The following BCAR3 variants were observed in gnomAD, a reference collection of about 807,000 sequenced individuals.
BCAR3 encodes the protein breast cancer anti-estrogen resistance protein 3.
BCAR3 carries 37 observed loss-of-function variants against 80.1 expected under a neutral mutation model. That is an observed-to-expected ratio of 0.46 (90% CI 0.36 to 0.61). BCAR3 has a LOEUF of 0.61. Ranked by LOEUF, BCAR3 falls within the 20% of genes least tolerant of loss-of-function variation. The probability of loss-of-function intolerance (pLI) is 0.00; values close to 1 mark genes in which losing one functional copy is unlikely to be tolerated. For missense variants in BCAR3, 978 were observed against 1,068.2 expected (o/e 0.92, Z 1.18); for synonymous variants, 389 against 418.9 (o/e 0.93, Z 0.87).
intron 2 of BCAR3, among the ~76,000 whole-genome samples, chr1:93,768,261 G>GTATGTGTT (rs769899329): frequency 3.5e-5 from 5 of 143,524 alleles, no homozygotes; most frequent in Non-Finnish European, 7.5e-5. Flanking sequence ...GAGTGAATGT[G>GTATGTGTT]TGTGTGTTTG....
intron 1 of BCAR3, among the ~76,000 whole-genome samples, chr1:93,675,514 G>T (rs1014937743): frequency 7.2e-5 from 11 of 152,176 alleles, no homozygotes; most frequent in Admixed American, 2.0e-4. Context: ...GGGTCAGGAG[G>T]TGGGCCATTC....
At chr1:93,639,526 C>G (rs236268) in intron 3 of BCAR3, among the ~76,000 whole-genome samples, 6,971 of 147,246 alleles carry the variant, frequency 0.047, 251 homozygotes, top group African/African-American at 0.1. Flanking sequence ...ACCCAGGCTG[C>G]AGTGCAATCG....
chr1:93,847,877 C>A, upstream of BCAR3: 1 of 209,178 alleles, frequency 4.8e-6, no homozygotes, highest in Non-Finnish European at 9.6e-6. Flanking sequence ...ACTGGGCAGT[C>A]GATGTAGGTC....
rs114819884 is a variant in BCAR3, at chr1:93,694,918, C to G, written c.-12+11174G>C. ...CTCAAAGTAAAATGACCTCCCAACT[C>G]TGATCACCTTCACCTGTGCTCCACC... is the stretch of plus-strand genomic sequence containing the variant. On this transcript the variant is annotated intron_variant, in intron 3 of 13. Coordinates refer to the BCAR3 transcript ENST00000370244. Among the ~76,000 whole-genome samples the G allele has an allele frequency of 8.4e-3, 1,279 of 152,340 alleles. 16 individuals are homozygous for G. The highest frequency in any genetic ancestry group is 0.03 in the African/African-American group (1,227 of 41,580).
At chr1:93,686,960 G>C (rs1002890811) in intron 3 of BCAR3, among the ~76,000 whole-genome samples, 1 of 152,204 alleles carries the variant, frequency 6.6e-6, no homozygotes, top group African/African-American at 2.4e-5. Flanking sequence ...CATAGGTCAG[G>C]TTCCCCAGTT....
chr1:93,759,258 T>G (rs1651851183), intron 2 of BCAR3, among the ~76,000 whole-genome samples: 1 of 152,114 alleles, frequency 6.6e-6, no homozygotes, highest in Admixed American at 6.5e-5. Context: ...CTAAGCATAG[T>G]ATAGACAGGA....
Position 93,674,895 on chromosome 1 carries a change from G to A in BCAR3, c.36C>T (p.Asn12=), listed in dbSNP as rs755722083. The A allele has an allele frequency of 4.5e-6, 7 of 1,566,332 alleles. No homozygotes were observed. Among genetic ancestry groups the A allele is most frequent in the South Asian group, 1.2e-5 (1 of 83,304 alleles). The change falls in exon 2 of 12, where the codon AAC becomes AAT. Residue 12 remains asparagine, a synonymous_variant. Transcript: ENST00000260502. ...GGGGGAACTGGTGATTCACCGGCAT[G>A]TTTCTGGGAAGGCTTGCAAATTTTC... ...AAGKFASLPR[N]MPVNHQFPLA...
intron 2 of BCAR3, among the ~76,000 whole-genome samples, chr1:93,744,213 T>G (rs143697598): frequency 4.6e-5 from 7 of 152,324 alleles, no homozygotes; most frequent in African/African-American, 1.7e-4. Flanking sequence ...TTAGTCACAT[T>G]AGAATTTAAT....
At chr1:93,595,439 G>A (rs1674382596) in intron 3 of BCAR3, among the ~76,000 whole-genome samples, 2 of 152,170 alleles carry the variant, frequency 1.3e-5, no homozygotes, top group Admixed American at 1.3e-4. Flanking sequence ...AGAGAGCCAG[G>A]TTTGCTGCTG....
intron 2 of BCAR3, among the ~76,000 whole-genome samples, chr1:93,789,213 C>A (rs1435240807): frequency 6.6e-6 from 1 of 152,164 alleles, no homozygotes. Flanking sequence ...TGGCTTCAAG[C>A]AATCCTCCCT....
chr1:93,572,907 T>TTA (rs1673276717), intron 8 of BCAR3, among the ~76,000 whole-genome samples: 1 of 152,188 alleles, frequency 6.6e-6, no homozygotes, highest in Non-Finnish European at 1.5e-5. Flanking sequence ...ATTCATTGAG[T>TTA]GCTTAGCATC....
intron 3 of BCAR3, among the ~76,000 whole-genome samples, chr1:93,598,446 A>G (rs1570952973): frequency 1.3e-5 from 2 of 152,224 alleles, no homozygotes; most frequent in Non-Finnish European, 2.9e-5. Context: ...AATCGGCAGG[A>G]AAGACTCTAT....
At chr1:93,813,277 G>C (rs1653907422) in intron 2 of BCAR3, among the ~76,000 whole-genome samples, 1 of 152,090 alleles carries the variant, frequency 6.6e-6, no homozygotes, top group Non-Finnish European at 1.5e-5. Flanking sequence ...GGTAAGCTTT[G>C]TGTGCAGTCA....
At chr1:93,703,503 G>T (rs1407943245) in intron 3 of BCAR3, among the ~76,000 whole-genome samples, 1 of 150,760 alleles carries the variant, frequency 6.6e-6, no homozygotes, top group Non-Finnish European at 1.5e-5. Flanking sequence ...GGAGTTTGAG[G>T]CTGCAGCAAG....
At chr1:93,744,565 C>T (rs1258643369) in intron 2 of BCAR3, among the ~76,000 whole-genome samples, 4 of 152,208 alleles carry the variant, frequency 2.6e-5, no homozygotes, top group African/African-American at 9.7e-5. Flanking sequence ...CTGCTCAAGG[C>T]AGAGGTAAGC....
chr1:93,717,431 T>C (rs550205764), intron 2 of BCAR3, among the ~76,000 whole-genome samples: 255 of 152,254 alleles, frequency 1.7e-3, no homozygotes, highest in African/African-American at 5.7e-3. Flanking sequence ...GAAGTAAGAA[T>C]TGGAGATAAG....
At chr1:93,621,680 T>C (rs2101890621) in intron 3 of BCAR3, among the ~76,000 whole-genome samples, 1 of 152,288 alleles carries the variant, frequency 6.6e-6, no homozygotes, top group Non-Finnish European at 1.5e-5. Flanking sequence ...CTTCACTCAG[T>C]GGGTGGATGG....
intron 2 of BCAR3, among the ~76,000 whole-genome samples, chr1:93,661,314 C>T (rs1395867974): frequency 1.3e-5 from 2 of 152,094 alleles, no homozygotes; most frequent in Middle Eastern, 3.2e-3. Flanking sequence ...GCTGGGATTA[C>T]AGGTGTAAGC....
At chr1:93,569,006 A>T (rs1673094450) in intron 9 of BCAR3, among the ~76,000 whole-genome samples, 4 of 152,184 alleles carry the variant, frequency 2.6e-5, no homozygotes. Flanking sequence ...TTTCTTCTGC[A>T]GGTAACTCAG....
Sources: gnomAD v4.1 joint callset for allele counts (sites outside exome capture counted in the v4.1 genomes callset) on GRCh38, gnomAD v4.1.1 for gene constraint, MANE v1.5 for transcripts, NCBI Gene and HGNC (gene_info 2026-07-23, HGNC 2026-07-21) for gene names.